MTBP: variants seen among roughly 807,000 people sequenced by gnomAD.
MTBP encodes mdm2-binding protein.
Under a neutral mutation model 117.0 loss-of-function variants are expected in MTBP, and 101 were observed. That is an observed-to-expected ratio of 0.86 (90% CI 0.73 to 1.02). MTBP has a LOEUF of 1.02. MTBP is among the 50% of genes least tolerant of loss of function. The probability of loss-of-function intolerance (pLI) is 0.00; values close to 1 mark genes in which losing one functional copy is unlikely to be tolerated. For missense variants in MTBP, 970 were observed against 1,030.9 expected, an observed-to-expected ratio of 0.94 and a Z score of 0.81; for synonymous variants, 350 against 351.5, an observed-to-expected ratio of 1.00 and a Z score of 0.05.
intron 20 of MTBP, among the ~76,000 whole-genome samples, chr8:120,521,276 C>T (rs944989635): frequency 2.0e-5 from 3 of 152,038 alleles, no homozygotes; most frequent in Admixed American, 6.6e-5. Context: ...AAAAAGCTAA[C>T]AGGTAGTTAA....
At chr8:120,497,729 A>G (rs1814499756) in intron 14 of MTBP, among the ~76,000 whole-genome samples, 175 bp downstream of exon 14, 1 of 152,180 alleles carries the variant, frequency 6.6e-6, no homozygotes, top group South Asian at 2.1e-4. Context: ...TGTATTACTC[A>G]TTATTTAAAC....
At chr8:120,449,774 A>T (rs1173092832) in intron 2 of MTBP, among the ~76,000 whole-genome samples, 3 of 152,194 alleles carry the variant, frequency 2.0e-5, no homozygotes, top group Non-Finnish European at 4.4e-5. Flanking sequence ...GTCATCTTTG[A>T]TTCTTCTCTT....
chr8:120,486,854 T>C (rs1814231183), intron 11 of MTBP, among the ~76,000 whole-genome samples: 2 of 152,216 alleles, frequency 1.3e-5, no homozygotes, highest in Admixed American at 6.5e-5. Context: ...CCAACGTGCT[T>C]CTTCCCAATC....
chr8:120,507,806 T>C (rs1332430982), intron 16 of MTBP, among the ~76,000 whole-genome samples: 1 of 152,144 alleles, frequency 6.6e-6, no homozygotes, highest in Non-Finnish European at 1.5e-5. Context: ...AGTAATTTTT[T>C]TCCCATAACT....
intron 16 of MTBP, 52 bp downstream of exon 16, chr8:120,506,913 A>G (rs1814698624): frequency 6.9e-7 from 1 of 1,459,292 alleles, no homozygotes; most frequent in Non-Finnish European, 9.2e-7. Flanking sequence ...TTACTTTTAA[A>G]TAAAATTGTG....
chr8:120,513,777 T>G (rs78653466), intron 17 of MTBP, among the ~76,000 whole-genome samples: 42 of 152,142 alleles, frequency 2.8e-4, no homozygotes, highest in African/African-American at 1.0e-3. Context: ...GCCAGACTCT[T>G]GAAATTCACA....
intron 13 of MTBP, among the ~76,000 whole-genome samples, chr8:120,496,268 G>A (rs1244019541): frequency 1.3e-5 from 2 of 152,182 alleles, no homozygotes; most frequent in Admixed American, 6.5e-5. Context: ...GTGATGGGAA[G>A]GAAGAGGGGA....
rs541725522 is a variant in MTBP, at chr8:120,462,144, G to T, written c.977+889G>T. 3.3e-5 allele frequency among the ~76,000 whole-genome samples: 5 copies of T among 152,150 alleles called. No homozygotes were observed. In the East Asian group the frequency reaches 9.6e-4, roughly 29 times the overall value. On this transcript the variant is annotated intron_variant, in intron 9 of 21. Coordinates refer to ENST00000305949, the MANE Select transcript of MTBP (RefSeq NM_022045.5). Reference sequence around the variant, plus strand: ...AAAAGACCTTACGTATCATGATTGGGGTTAAATTCTATCCTAAAGATAATG... The same window carrying T: ...AAAAGACCTTACGTATCATGATTGGTGTTAAATTCTATCCTAAAGATAATG...
rs548589529 is a variant in MTBP at position 120,492,743 on chromosome 8, G to A, written c.1447+2173G>A. 3.9e-5 allele frequency among the ~76,000 whole-genome samples: 6 copies of A among 152,052 alleles called. No homozygotes were observed. The South Asian group carries it at 8.3e-4, about 21-fold the overall frequency. On this transcript the variant is annotated intron_variant, in intron 13 of 21. Transcript: ENST00000305949. ...GGCACTTTGTTTTTTAAAATAACAC[G>A]AAATAAAATTTGTTAGGGCTTATTT...
chr8:120,467,554 A>G (rs900316275), intron 10 of MTBP, among the ~76,000 whole-genome samples: 3 of 152,162 alleles, frequency 2.0e-5, no homozygotes, highest in African/African-American at 7.2e-5. Flanking sequence ...TGCAGTGAGC[A>G]GAGATCACAC....
Position 120,451,426 on chromosome 8 carries a change from AAACTCTAGT to A in MTBP, c.425+105_425+113del, listed in dbSNP as rs753632541. 27 of 1,008,268 alleles carry A rather than the reference AAACTCTAGT, an allele frequency of 2.7e-5. No individual in the cohort carries two copies. In the East Asian group the frequency reaches 7.0e-4, roughly 26 times the overall value. 62.5% of individuals were successfully genotyped at this position (1,008,268 alleles called of 1,614,324 possible). On this transcript the variant is annotated intron_variant, in intron 4 of 21. Transcript: ENST00000305949. Reference sequence around the variant, plus strand: ...ATATATTTTAGCATCTTTACTGAAGAAACTCTAGTTAATTGAAATTTTTGACTCTCAATT... The same window carrying A: ...ATATATTTTAGCATCTTTACTGAAGATAATTGAAATTTTTGACTCTCAATT...
At chr8:120,484,045 A>G (rs1254525103) in intron 11 of MTBP, among the ~76,000 whole-genome samples, 1 of 152,178 alleles carries the variant, frequency 6.6e-6, no homozygotes, top group Non-Finnish European at 1.5e-5. Flanking sequence ...AGTTGTTTAC[A>G]GTAAATATTT....
Position 120,516,139 on chromosome 8 carries a change from T to A in MTBP, c.2194T>A (p.Ser732Thr). 1 of 1,612,610 alleles carries A rather than the reference T, an allele frequency of 6.2e-7. No individual in the cohort carries two copies. Among genetic ancestry groups the A allele is most frequent in the Non-Finnish European group, 8.5e-7 (1 of 1,178,982 alleles). The change falls in exon 18 of 22, where the codon TCC (serine) becomes ACC (threonine). Residue 732 changes from serine (S) to threonine (T), a missense_variant. Ser to Thr is a moderately conservative substitution (Grantham distance 58, BLOSUM62 1). Coordinates refer to ENST00000305949, the MANE Select transcript of MTBP (RefSeq NM_022045.5). Reference sequence around the variant, plus strand: ...ACAAAATGAACTTCGAACTGAAGTATCCCGATTGAAACGGAGATCTAAAGA... The same window carrying A: ...ACAAAATGAACTTCGAACTGAAGTAACCCGATTGAAACGGAGATCTAAAGA... ...VLQNELRTEVSRLKRRSKDLN... is the reference protein window; with the variant it reads ...VLQNELRTEVTRLKRRSKDLN...
rs202034319 is a variant in MTBP at position 120,445,456 on chromosome 8, G to T, written c.-15G>T. ...GGAAGCCGAGACCTAAAGTTGGGGG[G>T]TGATCTCTGAGGAGATGGATCGGTA... On this transcript the variant is annotated 5_prime_UTR_variant, in exon 1 of 22. Transcript: ENST00000305949. 10 of 1,605,840 alleles carry T rather than the reference G, an allele frequency of 6.2e-6. No individual in the cohort carries two copies. The highest frequency in any genetic ancestry group is 8.5e-6 in the Non-Finnish European group (10 of 1,173,806).
intron 4 of MTBP, among the ~76,000 whole-genome samples, chr8:120,453,170 G>T (rs1813394207): frequency 6.6e-6 from 1 of 152,042 alleles, no homozygotes; most frequent in South Asian, 2.1e-4. Context: ...CAGAAAAATG[G>T]CTGGGTGCAG....
chr8:120,447,787 T>C (rs1813258959), intron 2 of MTBP, among the ~76,000 whole-genome samples: 1 of 152,228 alleles, frequency 6.6e-6, no homozygotes, highest in African/African-American at 2.4e-5. Flanking sequence ...TTTATTTCTT[T>C]GTAAAAACCT....
chr8:120,517,744 G>A (rs911674317), intron 18 of MTBP, 107 bp from the exon 19 acceptor site: 4 of 1,135,948 alleles, frequency 3.5e-6, no homozygotes, highest in Admixed American at 2.5e-5. Flanking sequence ...AATGAACTTC[G>A]ATGTTGATTC....
chr8:120,478,126 C>T (rs1563793552), intron 11 of MTBP, among the ~76,000 whole-genome samples: 1 of 152,058 alleles, frequency 6.6e-6, no homozygotes, highest in Non-Finnish European at 1.5e-5. Flanking sequence ...AGCTGGAAAC[C>T]GTCATTCTCA....
intron 11 of MTBP, among the ~76,000 whole-genome samples, chr8:120,483,108 C>T (rs1420793678): frequency 2.0e-5 from 3 of 150,614 alleles, no homozygotes; most frequent in African/African-American, 7.3e-5. Context: ...CTAAATTGTT[C>T]AAAGCTTAGT....
Sources: gnomAD v4.1 joint callset for allele counts (sites outside exome capture counted in the v4.1 genomes callset) on GRCh38, gnomAD v4.1.1 for gene constraint, MANE v1.5 for transcripts, NCBI Gene and HGNC (gene_info 2026-07-23, HGNC 2026-07-21) for gene names.